ITPR1: variants seen among roughly 807,000 people sequenced by gnomAD.
ITPR1 encodes the protein inositol 1,4,5-trisphosphate-gated calcium channel ITPR1.
In ITPR1, 96 loss-of-function variants were observed where a neutral mutation model predicts 318.4. The observed-to-expected ratio is 0.30, with a 90% CI of 0.26 to 0.36. The LOEUF is 0.36. Ranked by LOEUF, ITPR1 falls within the 10% of genes least tolerant of loss-of-function variation. The pLI is 1.00. For missense variants in ITPR1, 2,440 were observed against 3,460.2 expected (o/e 0.71, Z 7.40); for synonymous variants, 1,312 against 1,289.9 (o/e 1.02, Z -0.37).
chr3:4,630,577 A>T (rs1201925174), intron 5 of ITPR1, among the ~76,000 whole-genome samples: 1 of 144,584 alleles, frequency 6.9e-6, no homozygotes, highest in Non-Finnish European at 1.5e-5. Context: ...TATTATTATT[A>T]TTATTATTAT....
intron 4 of ITPR1, among the ~76,000 whole-genome samples, chr3:4,608,924 C>T (rs1219806571): frequency 6.7e-6 from 1 of 148,522 alleles, no homozygotes; most frequent in African/African-American, 2.5e-5. Context: ...ATTGCTTGAA[C>T]CCTGGAGGTA....
At chr3:4,536,275 G>A (rs528748596) in intron 4 of ITPR1, among the ~76,000 whole-genome samples, 1 of 152,128 alleles carries the variant, frequency 6.6e-6, no homozygotes, top group Non-Finnish European at 1.5e-5. Flanking sequence ...CTTAATTTCA[G>A]TTTTATGATT....
At chr3:4,522,712 A>G (rs551510892) in intron 4 of ITPR1, among the ~76,000 whole-genome samples, 1 of 152,380 alleles carries the variant, frequency 6.6e-6, no homozygotes, top group South Asian at 2.1e-4. Context: ...TCAGTCACTC[A>G]TAGAATTACT....
chr3:4,594,282 A>G (rs2090620303), intron 4 of ITPR1, among the ~76,000 whole-genome samples: 1 of 152,138 alleles, frequency 6.6e-6, no homozygotes, highest in African/African-American at 2.4e-5. Context: ...GGCTGAAGTC[A>G]TCCTCCTTAG....
intron 34 of ITPR1, among the ~76,000 whole-genome samples, chr3:4,699,609 T>G (rs1206762526): frequency 6.6e-6 from 1 of 152,244 alleles, no homozygotes; most frequent in African/African-American, 2.4e-5. Flanking sequence ...TGTTTGTGAT[T>G]TTGCATCATG....
At chr3:4,660,468 C>T (rs965561238) in intron 13 of ITPR1, among the ~76,000 whole-genome samples, 4 of 150,748 alleles carry the variant, frequency 2.7e-5, no homozygotes, top group Admixed American at 2.6e-4. Flanking sequence ...AAAATTTAAA[C>T]TATGTAATGA....
chr3:4,601,812 C>T (rs1303463126), intron 4 of ITPR1, among the ~76,000 whole-genome samples: 1 of 151,910 alleles, frequency 6.6e-6, no homozygotes, highest in Non-Finnish European at 1.5e-5. Context: ...TGATATGGGA[C>T]CAGTATATAG....
chr3:4,706,912 A>G lies in ITPR1; in HGVS notation c.4842+561A>G, dbSNP rs536908436. On this transcript the variant is annotated intron_variant, in intron 37 of 61. Transcript: ENST00000649015. ...TAAACATGCATCTTAACATTAACGT[A>G]TTTTTTATACAAGCACCTCAGTTGA... Among the ~76,000 whole-genome samples, 162 of 152,322 alleles carry G rather than the reference A, an allele frequency of 1.1e-3. 4 individuals carry two copies. The highest frequency in any genetic ancestry group is 1.2e-3 in the Non-Finnish European group (80 of 68,034).
intron 4 of ITPR1, among the ~76,000 whole-genome samples, chr3:4,618,916 A>G (rs1490551030): frequency 6.6e-6 from 1 of 152,218 alleles, no homozygotes; most frequent in African/African-American, 2.4e-5. Context: ...TTGATAAACA[A>G]CCACACAACT....
Position 4,715,506 on chromosome 3 carries a change from G to A in ITPR1, c.5104-1861G>A, listed in dbSNP as rs138937092. Among the ~76,000 whole-genome samples the A allele has an allele frequency of 4.5e-3, 685 of 152,318 alleles. 5 individuals are homozygous for A. Among genetic ancestry groups the A allele is most frequent in the African/African-American group, 0.015 (641 of 41,548 alleles). ...CACAGAGGAATCAGACTAGTGAGTAGCAAGTGGTTGGTTCACTTGTCTGGG... is the reference window on the plus strand; with the variant it reads ...CACAGAGGAATCAGACTAGTGAGTAACAAGTGGTTGGTTCACTTGTCTGGG... On this transcript the variant is annotated intron_variant, in intron 39 of 61. Coordinates refer to ENST00000649015, the MANE Select transcript of ITPR1 (RefSeq NM_001378452.1).
intron 53 of ITPR1, among the ~76,000 whole-genome samples, chr3:4,797,459 G>A (rs967362655): frequency 6.6e-6 from 1 of 152,088 alleles, no homozygotes; most frequent in African/African-American, 2.4e-5. Context: ...TGCTGATTTT[G>A]TGTGGTTCTG....
intron 4 of ITPR1, among the ~76,000 whole-genome samples, chr3:4,533,576 C>T (rs185086828): frequency 2.2e-4 from 33 of 152,344 alleles, no homozygotes; most frequent in Non-Finnish European, 1.5e-4. Flanking sequence ...TAGCAGCTTT[C>T]GGGACATCTC....
At chr3:4,503,944 A>G (rs891768097) in intron 2 of ITPR1, among the ~76,000 whole-genome samples, 1 of 152,100 alleles carries the variant, frequency 6.6e-6, no homozygotes, top group African/African-American at 2.4e-5. Context: ...CCAAAACCAA[A>G]AAACACTGGC....
chr3:4,783,446 A>G (rs906565856), intron 50 of ITPR1, among the ~76,000 whole-genome samples: 1 of 152,150 alleles, frequency 6.6e-6, no homozygotes, highest in East Asian at 1.9e-4. Context: ...CTGGTTAAAG[A>G]ATTTCAAACA....
At chr3:4,520,127 C>G (rs1046791198) in intron 3 of ITPR1, among the ~76,000 whole-genome samples, 7 of 152,190 alleles carry the variant, frequency 4.6e-5, no homozygotes, top group African/African-American at 1.4e-4. Context: ...GGTGTGTTAG[C>G]TGGGAACAAC....
intron 4 of ITPR1, among the ~76,000 whole-genome samples, chr3:4,540,960 G>GT (rs112368874): frequency 1.9e-4 from 29 of 150,886 alleles, no homozygotes; most frequent in Non-Finnish European, 2.7e-4. Flanking sequence ...CTTTATATGT[G>GT]TTTTTTTTTA....
chr3:4,838,594 C>A (rs2106547328), intron 61 of ITPR1, among the ~76,000 whole-genome samples: 1 of 152,356 alleles, frequency 6.6e-6, no homozygotes, highest in African/African-American at 2.4e-5. Context: ...AGGAACACTT[C>A]AGTTCTCCAT....
chr3:4,630,596 TTA>T, intron 5 of ITPR1, among the ~76,000 whole-genome samples: 1 of 148,660 alleles, frequency 6.7e-6, no homozygotes. Flanking sequence ...ATTATTATTA[TTA>T]TTTTTAAGGC....
intron 4 of ITPR1, among the ~76,000 whole-genome samples, chr3:4,567,845 C>A (rs2087513795): frequency 6.6e-6 from 1 of 152,168 alleles, no homozygotes; most frequent in Non-Finnish European, 1.5e-5. Context: ...CTCAAGCGAT[C>A]CACCTGCCCT....
Sources: allele counts gnomAD v4.1 joint callset (sites outside exome capture counted in the v4.1 genomes callset), GRCh38; gene constraint gnomAD v4.1.1; transcripts MANE v1.5; gene names NCBI Gene and HGNC (gene_info 2026-07-23, HGNC 2026-07-21).